The following CAST variants were observed in gnomAD, a reference collection of about 807,000 sequenced individuals.
The protein encoded by CAST is MIR583 host.
Under a neutral mutation model 119.6 loss-of-function variants are expected in CAST, and 76 were observed. The ratio of observed to expected loss-of-function variants is 0.64; its 90% CI spans 0.53 to 0.77. The LOEUF (loss-of-function observed/expected upper bound fraction) is 0.77, where lower values mean the gene tolerates loss of function less well. Among genes scored for constraint, CAST ranks in the 30% least tolerant of loss-of-function variants. The pLI is 0.00. For missense variants in CAST, 953 were observed against 946.5 expected (o/e 1.01, Z -0.09); for synonymous variants, 319 against 331.6 (o/e 0.96, Z 0.41).
rs1747877511 is a variant in CAST at position 96,635,835 on chromosome 5, G to A, written c.61-39704G>A. ...CAGGTTATTTTAAAGATTCTTCATT[G>A]TGGCTCACAATAGATAAATTTAGAT... On this transcript the variant is annotated intron_variant, in intron 1 of 11. Transcript: ENST00000505143. Among the ~76,000 whole-genome samples, 6 of 152,118 alleles carry A rather than the reference G, an allele frequency of 3.9e-5. No homozygotes were observed. The South Asian group carries it at 1.2e-3, about 32-fold the overall frequency.
At chr5:96,293,938 T>A in the CAST span, among the ~76,000 whole-genome samples, 1 of 151,950 alleles carries the variant, frequency 6.6e-6, no homozygotes, top group Non-Finnish European at 1.5e-5. Context: ...TTTTGTATTT[T>A]TAGTAGAGAT....
the CAST span, among the ~76,000 whole-genome samples, chr5:95,999,596 G>C: frequency 6.6e-6 from 1 of 152,132 alleles, no homozygotes; most frequent in Non-Finnish European, 1.5e-5. Context: ...CTCCTGTCTT[G>C]GTCTCCCAAA....
chr5:96,423,552 T>A, the CAST span: 2 of 1,154,016 alleles, frequency 1.7e-6, no homozygotes, highest in Non-Finnish European at 2.6e-6. Context: ...CCATCTTTCT[T>A]TTTCCTTGGG....
intron 1 of CAST, among the ~76,000 whole-genome samples, chr5:96,654,211 G>A (rs1234156865): frequency 6.6e-6 from 1 of 151,778 alleles, no homozygotes; most frequent in Non-Finnish European, 1.5e-5. Flanking sequence ...ATTTTTAGTA[G>A]AGACAGGATT....
At chr5:96,226,718 T>C in the CAST span, among the ~76,000 whole-genome samples, 1 of 152,162 alleles carries the variant, frequency 6.6e-6, no homozygotes, top group African/African-American at 2.4e-5. Context: ...CAGATAGTAA[T>C]TCATGTTTTC....
chr5:96,158,040 G>GC, the CAST span, among the ~76,000 whole-genome samples: 2 of 150,250 alleles, frequency 1.3e-5, no homozygotes, highest in Non-Finnish European at 3.0e-5. Context: ...TAATTCCAGT[G>GC]CCCCCCTTAC....
the CAST span, among the ~76,000 whole-genome samples, chr5:95,988,545 G>C: frequency 6.6e-6 from 1 of 152,080 alleles, no homozygotes. Context: ...CAGATATTTT[G>C]ACAGCTCTTT....
chr5:96,724,752 G>A lies in CAST; in HGVS notation c.271-2042G>A, dbSNP rs115299787. ...GCAGGAGGATGGCTTGAGCCCAGGA[G>A]ATCAAGGCTGCAGCAAGCTGTGATT... On this transcript the variant is annotated intron_variant, in intron 4 of 31. Coordinates refer to ENST00000675179, the MANE Select transcript of CAST (RefSeq NM_001750.7). 6.6e-3 allele frequency among the ~76,000 whole-genome samples: 1,001 copies of A among 152,162 alleles called. 16 individuals are homozygous for A. Among genetic ancestry groups the A allele is most frequent in the African/African-American group, 0.023 (969 of 41,496 alleles).
At chr5:96,551,912 A>T (rs1746134017) in intron 1 of CAST, among the ~76,000 whole-genome samples, 1 of 152,202 alleles carries the variant, frequency 6.6e-6, no homozygotes, top group Non-Finnish European at 1.5e-5. Flanking sequence ...ACCGCGATTC[A>T]TAAAGCAAGT....
chr5:96,728,949 T>G (rs1759888409), intron 6 of CAST: 1 of 514,476 alleles, frequency 1.9e-6, no homozygotes, highest in Admixed American at 3.8e-5. Flanking sequence ...TAATCACCAT[T>G]CTCAGAGACT....
the CAST span, among the ~76,000 whole-genome samples, chr5:96,498,993 T>C: frequency 1.4e-5 from 2 of 143,804 alleles, no homozygotes; most frequent in Admixed American, 1.4e-4. Flanking sequence ...CCTTTACAGA[T>C]GTTGATCCCA....
At chr5:96,442,603 A>T in the CAST span, among the ~76,000 whole-genome samples, 1 of 152,278 alleles carries the variant, frequency 6.6e-6, no homozygotes, top group African/African-American at 2.4e-5. Flanking sequence ...CAGATGGTTT[A>T]CTATGCATAA....
chr5:95,994,625 C>G, the CAST span, among the ~76,000 whole-genome samples: 26 of 151,826 alleles, frequency 1.7e-4, no homozygotes, highest in South Asian at 1.0e-3. Context: ...TTAAATTTAA[C>G]TCAGAAATAT....
At chr5:96,747,665 G>C (rs1764062073) in intron 18 of CAST, among the ~76,000 whole-genome samples, 1 of 152,144 alleles carries the variant, frequency 6.6e-6, no homozygotes, top group Non-Finnish European at 1.5e-5. Flanking sequence ...GGGCCCTTAA[G>C]TCAGATTAAG....
At chr5:96,541,301 T>A (rs1745908243) in intron 1 of CAST, among the ~76,000 whole-genome samples, 1 of 151,260 alleles carries the variant, frequency 6.6e-6, no homozygotes. Context: ...TCTTGCATTC[T>A]TTTAACATAC....
chr5:96,555,278 A>T (rs1406131467), intron 1 of CAST, among the ~76,000 whole-genome samples: 1 of 152,222 alleles, frequency 6.6e-6, no homozygotes, highest in Non-Finnish European at 1.5e-5. Context: ...GAACAGCTCC[A>T]GTCTACAGCT....
At chr5:96,616,749 T>TAC (rs1290622874) in intron 1 of CAST, among the ~76,000 whole-genome samples, 107 of 115,984 alleles carry the variant, frequency 9.2e-4, no homozygotes, top group Admixed American at 1.7e-3. Flanking sequence ...TCTCTCTATA[T>TAC]ATATACACAC....
the CAST span, among the ~76,000 whole-genome samples, chr5:96,263,602 T>TAG: frequency 0.14 from 20,291 of 145,900 alleles, 1,686 homozygotes; most frequent in African/African-American, 0.23. Context: ...GATAGCAAAT[T>TAG]AGAGAGAGAG....
chr5:96,716,229 T>A (rs1036526906), intron 3 of CAST, among the ~76,000 whole-genome samples: 2 of 152,188 alleles, frequency 1.3e-5, no homozygotes, highest in African/African-American at 4.8e-5. Context: ...AGCCTTGTTT[T>A]GTTGCGGTTG....
Sources: gnomAD v4.1 joint callset for allele counts (sites outside exome capture counted in the v4.1 genomes callset) on GRCh38, gnomAD v4.1.1 for gene constraint, MANE v1.5 for transcripts, NCBI Gene and HGNC (gene_info 2026-07-23, HGNC 2026-07-21) for gene names.